Variants in TMEM219 observed in about 807,000 individuals in gnomAD.
TMEM219 encodes insulin-like growth factor-binding protein 3 receptor.
A neutral mutation model predicts 17.9 loss-of-function variants in TMEM219; 18 were observed. That is an observed-to-expected ratio of 1.01 (90% CI 0.70 to 1.49). TMEM219 has a LOEUF of 1.49. Among genes scored for constraint, TMEM219 ranks in the 40% most tolerant of loss-of-function variants. The pLI is 0.00. For synonymous variants in TMEM219, 113 were observed against 124.0 expected (o/e 0.91, Z 0.59); for missense variants, 288 against 292.4 (o/e 0.99, Z 0.11).
In TMEM219 at chr16:29,968,153, G is replaced by A. The variant is rs538583518; in HGVS notation, c.484G>A (p.Glu162Lys). 3 of 1,614,146 alleles carry A rather than the reference G, an allele frequency of 1.9e-6. No individual in the cohort carries two copies. The South Asian group carries it at 3.3e-5, about 18-fold the overall frequency. Residue 162 changes from glutamate to lysine, a missense_variant, in exon 4 of 6, where the codon GAG (glutamate) becomes AAG (lysine). Coordinates refer to ENST00000279396, the MANE Select transcript of TMEM219 (RefSeq NM_001083613.2). ...CAGCCAGCCACCCATATCCTGCTCA[G>A]AGGAGGGGGCTGGAAATGCCACCCT... ...PSSQPPISCSEEGAGNATLSP... is the reference protein window; with the variant it reads ...PSSQPPISCSKEGAGNATLSP...
intron 3 of TMEM219, among the ~76,000 whole-genome samples, chr16:29,965,023 G>GA (rs2069195539): frequency 6.6e-6 from 1 of 152,086 alleles, no homozygotes; most frequent in Non-Finnish European, 1.5e-5. Flanking sequence ...AAAAGATGCA[G>GA]AAAAAAATTA....
intron 3 of TMEM219, among the ~76,000 whole-genome samples, chr16:29,966,237 C>G (rs1013167416): frequency 5.3e-5 from 8 of 152,252 alleles, no homozygotes; most frequent in African/African-American, 1.9e-4. Flanking sequence ...GGTTTATTGT[C>G]TGTATTCATG....
chr16:29,968,894 A>C (rs909326502), intron 4 of TMEM219, among the ~76,000 whole-genome samples: 8 of 152,222 alleles, frequency 5.3e-5, no homozygotes, highest in African/African-American at 1.9e-4. Context: ...GCTGCAGGCC[A>C]CACAACTGGT....
chr16:29,967,203 G>C (rs976759807), intron 3 of TMEM219, among the ~76,000 whole-genome samples: 2 of 152,018 alleles, frequency 1.3e-5, no homozygotes, highest in African/African-American at 4.8e-5. Flanking sequence ...CTTAATTTGT[G>C]TTTATATTGA....
Position 29,971,394 on chromosome 16 carries a change from G to A in TMEM219, c.586-14G>A. Reference sequence around the variant, plus strand: ...AACATGTCCTCCTCCTCCTCTCCCTGTACCCCTCCCTAGGAGGAGCTGGCT... The same window carrying A: ...AACATGTCCTCCTCCTCCTCTCCCTATACCCCTCCCTAGGAGGAGCTGGCT... On this transcript the variant is annotated splice_polypyrimidine_tract_variant and intron_variant, in intron 4 of 5. Transcript: ENST00000279396. 5 of 1,613,850 alleles carry A rather than the reference G, an allele frequency of 3.1e-6. No individual in the cohort carries two copies. The highest frequency in any genetic ancestry group is 3.4e-6 in the Non-Finnish European group (4 of 1,179,930).
chr16:29,967,937 A>AG, intron 3 of TMEM219, 88 bp from the exon 4 acceptor site: 1 of 1,122,658 alleles, frequency 8.9e-7, no homozygotes, highest in East Asian at 2.4e-5. Flanking sequence ...AAAAAAAAAA[A>AG]AAGAAAATAC....
intron 3 of TMEM219, among the ~76,000 whole-genome samples, chr16:29,966,042 G>C (rs966495529): frequency 6.6e-6 from 1 of 151,982 alleles, no homozygotes; most frequent in African/African-American, 2.4e-5. Flanking sequence ...GCCAATTTTT[G>C]TATTTTTTAT....
intron 1 of TMEM219, 35 bp from the exon 2 acceptor site, chr16:29,963,072 G>A: frequency 6.5e-7 from 1 of 1,544,006 alleles, no homozygotes; most frequent in Non-Finnish European, 8.8e-7. Context: ...CGTAAAAGCG[G>A]TGCTCTTGTC....
rs1314214978 is a variant in TMEM219 at position 29,964,037 on chromosome 16, C to G, written c.355+448C>G. On this transcript the variant is annotated intron_variant, in intron 3 of 5. Coordinates refer to ENST00000279396, the MANE Select transcript of TMEM219 (RefSeq NM_001083613.2). ...CTCTACTAGAAATACAAAAATTAAC[C>G]TGGTGGTCTGGTTGCGGTGGCCCAC... Among the ~76,000 whole-genome samples, 2 of 151,872 alleles carry G rather than the reference C, an allele frequency of 1.3e-5. 1 individual carries two copies. The highest frequency in any genetic ancestry group is 2.9e-5 in the Non-Finnish European group (2 of 67,994).
chr16:29,963,432 G>A lies in TMEM219; in HGVS notation c.198G>A (p.Gln66=), dbSNP rs768456113. 2 of 1,614,210 alleles carry A rather than the reference G, an allele frequency of 1.2e-6. No individual in the cohort carries two copies. Among genetic ancestry groups the A allele is most frequent in the Admixed American group, 3.3e-5 (2 of 60,028 alleles). Reference sequence around the variant, plus strand: ...TCTCTTTTTTGAGATCTTTTGGCCAGCTGACCCTGTGTCCCAGGAATGGGA... The same window carrying A: ...TCTCTTTTTTGAGATCTTTTGGCCAACTGACCCTGTGTCCCAGGAATGGGA... ...DWVSFLRSFG[Q]LTLCPRNGTV... is the part of the protein sequence containing the mutation. Residue 66 remains glutamine (Q), a synonymous_variant, in exon 3 of 6, where the codon CAG becomes CAA. Coordinates refer to ENST00000279396, the MANE Select transcript of TMEM219 (RefSeq NM_001083613.2).
At position 29,968,139 on chromosome 16, in the gene TMEM219, C is replaced by CCATA; in HGVS notation, c.471_474dup (p.Ser159HisfsTer16). ...GGAATCCTACCCTCCAGCCAGCCAC[C>CCATA]CATATCCTGCTCAGAGGAGGGGGCT... is the stretch of plus-strand genomic sequence containing the variant. On this transcript the variant is annotated frameshift_variant, in exon 4 of 6. Transcript: ENST00000279396. LOFTEE classifies it high-confidence loss of function. 1 of 1,614,084 alleles carries CCATA rather than the reference C, an allele frequency of 6.2e-7. No individual in the cohort carries two copies. Among genetic ancestry groups the CCATA allele is most frequent in the Non-Finnish European group, 8.5e-7 (1 of 1,180,016 alleles).
At chr16:29,962,991 G>C (rs751960141) in intron 1 of TMEM219, 116 bp from the exon 2 acceptor site, 2 of 844,694 alleles carry the variant, frequency 2.4e-6, no homozygotes, top group Non-Finnish European at 3.7e-6. Context: ...TTGGATTCTT[G>C]TTCTGGCTCT....
intron 4 of TMEM219, among the ~76,000 whole-genome samples, chr16:29,970,417 C>T (rs1462367139): frequency 6.6e-6 from 1 of 151,128 alleles, no homozygotes; most frequent in Non-Finnish European, 1.5e-5. Context: ...CTCCGCCTCC[C>T]AGGTTCACGC....
Sources: gnomAD v4.1 joint callset for allele counts (sites outside exome capture counted in the v4.1 genomes callset) on GRCh38, gnomAD v4.1.1 for gene constraint, MANE v1.5 for transcripts, NCBI Gene and HGNC (gene_info 2026-07-23, HGNC 2026-07-21) for gene names.